Variants in CNTNAP3B observed in about 807,000 individuals in gnomAD.
CNTNAP3B encodes contactin associated protein family member 3B.
CNTNAP3B carries 25 observed loss-of-function variants against 108.9 expected under a neutral mutation model. The observed-to-expected ratio is 0.23, with a 90% CI of 0.17 to 0.32. The LOEUF (loss-of-function observed/expected upper bound fraction) is 0.32. CNTNAP3B is among the 10% of genes least tolerant of loss of function. The pLI is 1.00. For missense variants in CNTNAP3B, 252 were observed against 1,210.4 expected (o/e 0.21, Z 11.75); for synonymous variants, 103 against 473.4 (o/e 0.22, Z 10.16).
At chr9:41,924,566 G>A (rs1233701355) in intron 15 of CNTNAP3B, among the ~76,000 whole-genome samples, 2 of 151,976 alleles carry the variant, frequency 1.3e-5, no homozygotes, top group Non-Finnish European at 2.9e-5. Flanking sequence ...TATCTATTAG[G>A]CATCCAAGTG....
chr9:42,042,938 C>G (rs1384592729), intron 3 of CNTNAP3B, among the ~76,000 whole-genome samples: 1 of 147,882 alleles, frequency 6.8e-6, no homozygotes, highest in Non-Finnish European at 1.5e-5. Context: ...TGACTTTTTG[C>G]TAGTTTTTGA....
intron 8 of CNTNAP3B, 147 bp from the exon 9 acceptor site, chr9:41,986,458 T>C: frequency 3.0e-6 from 3 of 1,014,854 alleles, no homozygotes; most frequent in Non-Finnish European, 4.1e-6. Flanking sequence ...TAACCACCTA[T>C]CTTTAATTTA....
chr9:42,063,758 A>G (rs1376296040), intron 3 of CNTNAP3B, among the ~76,000 whole-genome samples: 2 of 139,910 alleles, frequency 1.4e-5, no homozygotes, highest in African/African-American at 2.8e-5. Flanking sequence ...AACTGGATCT[A>G]TTAGCCAGGC....
chr9:42,042,470 C>A (rs558771290), intron 3 of CNTNAP3B, among the ~76,000 whole-genome samples: 30 of 141,614 alleles, frequency 2.1e-4, no homozygotes, highest in Non-Finnish European at 3.3e-4. Context: ...ATGAATCCAA[C>A]TGTGATTAAG....
chr9:41,941,848 A>G (rs1824354913), intron 13 of CNTNAP3B, among the ~76,000 whole-genome samples: 1 of 151,816 alleles, frequency 6.6e-6, no homozygotes, highest in East Asian at 1.9e-4. Flanking sequence ...GAGGGTCAAC[A>G]CACCTTCAAG....
At chr9:41,921,308 T>C (rs1343272037) in intron 17 of CNTNAP3B, among the ~76,000 whole-genome samples, 5 of 152,246 alleles carry the variant, frequency 3.3e-5, no homozygotes, top group Non-Finnish European at 7.3e-5. Context: ...TCCTTTCCAG[T>C]AGTTTGATGG....
intron 13 of CNTNAP3B, among the ~76,000 whole-genome samples, chr9:41,943,216 T>G (rs1824415813): frequency 6.6e-6 from 1 of 152,288 alleles, no homozygotes; most frequent in African/African-American, 2.4e-5. Flanking sequence ...CTCATCAAAG[T>G]CTGGGAAGAC....
intron 2 of CNTNAP3B, among the ~76,000 whole-genome samples, chr9:42,103,657 C>T (rs1828046833): frequency 1.0e-5 from 1 of 96,746 alleles, no homozygotes; most frequent in Non-Finnish European, 2.2e-5. Context: ...ATTGTGTGAA[C>T]CCAGGAGGCA....
intron 8 of CNTNAP3B, among the ~76,000 whole-genome samples, chr9:41,990,426 T>C (rs1224370585): frequency 3.0e-5 from 4 of 131,188 alleles, no homozygotes; most frequent in African/African-American, 9.3e-5. Flanking sequence ...CTGTGTGAGG[T>C]GGACACAGAT....
At chr9:41,970,900 A>C (rs1825416113) in intron 9 of CNTNAP3B, among the ~76,000 whole-genome samples, 1 of 148,942 alleles carries the variant, frequency 6.7e-6, no homozygotes, top group Non-Finnish European at 1.5e-5. Flanking sequence ...GTTAACAACA[A>C]CACAAAAAGT....
intron 3 of CNTNAP3B, among the ~76,000 whole-genome samples, chr9:42,074,284 CT>C (rs1401040123): frequency 1.1e-5 from 1 of 94,176 alleles, no homozygotes; most frequent in African/African-American, 5.0e-5. Flanking sequence ...CCCATATTCT[CT>C]CCATCTCAGT....
chr9:42,114,583 A>G (rs1163534128), intron 1 of CNTNAP3B, among the ~76,000 whole-genome samples: 1 of 111,104 alleles, frequency 9.0e-6, no homozygotes, highest in Non-Finnish European at 1.8e-5. Flanking sequence ...CAATTTTTTA[A>G]CTTAAAAAGA....
chr9:41,962,185 AT>A (rs1825119337), intron 11 of CNTNAP3B, among the ~76,000 whole-genome samples: 1 of 152,088 alleles, frequency 6.6e-6, no homozygotes, highest in Admixed American at 6.6e-5. Flanking sequence ...ACAATTAATA[AT>A]TATATACAAT....
At chr9:41,940,389 G>A (rs1337617292) in intron 13 of CNTNAP3B, among the ~76,000 whole-genome samples, 2 of 152,290 alleles carry the variant, frequency 1.3e-5, no homozygotes, top group Non-Finnish European at 2.9e-5. Flanking sequence ...ACCCTAATTT[G>A]AATGATAGTA....
chr9:41,995,723 T>C (rs1237346286), intron 7 of CNTNAP3B, among the ~76,000 whole-genome samples: 4 of 80,010 alleles, frequency 5.0e-5, no homozygotes, highest in Admixed American at 1.5e-4. Context: ...AGAGTGAGAC[T>C]CCGTCTCAAA....
chr9:42,062,661 C>T (rs1827197360), intron 3 of CNTNAP3B, among the ~76,000 whole-genome samples: 1 of 117,108 alleles, frequency 8.5e-6, no homozygotes, highest in Non-Finnish European at 1.8e-5. Context: ...TCATTCTTTT[C>T]TGGCTTTGTT....
chr9:41,954,943 C>T (rs1447993106), intron 12 of CNTNAP3B, among the ~76,000 whole-genome samples: 1 of 151,988 alleles, frequency 6.6e-6, no homozygotes, highest in Non-Finnish European at 1.5e-5. Context: ...GCCTTGGCCT[C>T]CCAAAGTGCT....
chr9:42,029,847 G>T (rs1400963346), intron 3 of CNTNAP3B, among the ~76,000 whole-genome samples: 2 of 49,976 alleles, frequency 4.0e-5, no homozygotes, highest in Admixed American at 4.6e-4. Context: ...TTCTTGGTTA[G>T]AAAATTGAAA....
In CNTNAP3B at chr9:42,060,974, A is replaced by AT. The variant is rs996971665; in HGVS notation, c.390+15894dup. Among the ~76,000 whole-genome samples, 7 of 88,540 alleles carry AT rather than the reference A, an allele frequency of 7.9e-5. 1 individual carries two copies. Among genetic ancestry groups the AT allele is most frequent in the Non-Finnish European group, 1.3e-4 (6 of 45,400 alleles). 58.1% of individuals were successfully genotyped at this position (88,540 alleles called of 152,430 possible). On this transcript the variant is annotated intron_variant, in intron 3 of 23. Transcript: ENST00000377561. The stretch of plus-strand genomic sequence containing the variant: ...ATTTTTTAAAACCTGACTTTTATGG[A>AT]TTTTTTTTATTGTTTTTCTAGTCTG...
Sources: allele counts gnomAD v4.1 joint callset (sites outside exome capture counted in the v4.1 genomes callset), GRCh38; gene constraint gnomAD v4.1.1; transcripts MANE v1.5; gene names NCBI Gene and HGNC (gene_info 2026-07-23, HGNC 2026-07-21).